Variants in ADGRB2 observed in about 807,000 individuals in gnomAD.
ADGRB2 encodes the protein adhesion G protein-coupled receptor B2.
A neutral mutation model predicts 178.7 loss-of-function variants in ADGRB2; 47 were observed. The observed-to-expected ratio is 0.26, with a 90% confidence interval of 0.21 to 0.34. The LOEUF (loss-of-function observed/expected upper bound fraction) is 0.34, where lower values mean the gene tolerates loss of function less well. Among genes scored for constraint, ADGRB2 ranks in the 10% least tolerant of loss-of-function variants. ADGRB2 has a pLI of 1.00. For missense variants in ADGRB2, 1,584 were observed against 2,180.8 expected (o/e 0.73, Z 5.45); for synonymous variants, 870 against 912.4 (o/e 0.95, Z 0.84).
Position 31,727,482 on chromosome 1 carries a change from G to A in ADGRB2, c.4696C>T (p.His1566Tyr), listed in dbSNP as rs1266939395. Residue 1566 changes from histidine (H) to tyrosine (Y), a missense_variant, in exon 33 of 33, where the codon CAC becomes TAC. Physicochemically the swap from His to Tyr is moderately conservative, Grantham distance 83. Coordinates refer to ENST00000373658, the MANE Select transcript of ADGRB2 (RefSeq NM_001364857.2). The surrounding 1 kb of genome is among the most constrained non-coding windows in gnomAD (Gnocchi z 4.4). ...GTGGGCTCCCAGGCTGCTGCCCGGT[G>A]CAGAGTCAGCCGTTCTCGGGGCTTG... ...PPKPRERLTL[H>Y]RAAAWEPTEP... 3.1e-6 allele frequency: 5 copies of A among 1,597,346 alleles called. No homozygotes were observed. The African/African-American group carries it at 4.1e-5, about 13-fold the overall frequency.
In ADGRB2 at chr1:31,736,705, C is replaced by A; in HGVS notation, c.2998G>T (p.Ala1000Ser). The A allele has an allele frequency of 6.2e-7, 1 of 1,613,822 alleles. No homozygotes were observed. Among genetic ancestry groups the A allele is most frequent in the Non-Finnish European group, 8.5e-7 (1 of 1,179,826 alleles). ...VLSKGVCTMT[A>S]AFLHFFFLSS... ...AGAAAGAAGAAGTGCAGGAAGGCAG[C>A]CGTCATGGTGCACACGCCCTGCAGG... Residue 1000 changes from alanine to serine, a missense_variant, in exon 21 of 33, where the codon GCT (alanine) becomes TCT (serine). Coordinates refer to ENST00000373658, the MANE Select transcript of ADGRB2 (RefSeq NM_001364857.2).
chr1:31,728,803 A>AACACACACACACACACAC lies in ADGRB2; in HGVS notation c.4381-188_4381-171dup, dbSNP rs71006321. On this transcript the variant is annotated intron_variant, in intron 29 of 32. Transcript: ENST00000373658. The surrounding 1 kb of genome is among the most constrained non-coding windows in gnomAD (Gnocchi z 6.7). Reference sequence around the variant, plus strand: ...TGGGGCAGCTTTTCAGGCCTCACTGAACACACACACACACACACACACACA... The same window carrying AACACACACACACACACAC: ...TGGGGCAGCTTTTCAGGCCTCACTGAACACACACACACACACACACACACACACACACACACACACACA... Among the ~76,000 whole-genome samples the AACACACACACACACACAC allele has an allele frequency of 9.7e-3, 1,123 of 115,476 alleles. 25 individuals are homozygous for AACACACACACACACACAC. The highest frequency in any genetic ancestry group is 0.019 in the South Asian group (47 of 2,524). The allele number at this position is 115,476 out of a possible 152,430, so 75.8% of individuals were successfully genotyped here. A position where few individuals can be genotyped will look rare whatever the true frequency, so the allele number is the denominator to read the frequency against.
At chr1:31,742,526 A>G (rs1646032570) in intron 7 of ADGRB2, among the ~76,000 whole-genome samples, 1 of 152,214 alleles carries the variant, frequency 6.6e-6, no homozygotes, top group Non-Finnish European at 1.5e-5. Context: ...CCAGCACTTC[A>G]GCCCAGCTTT....
Position 31,735,061 on chromosome 1 carries a change from G to T in ADGRB2, c.3452+122C>A. On this transcript the variant is annotated intron_variant, in intron 25 of 32. Coordinates refer to ENST00000373658, the MANE Select transcript of ADGRB2 (RefSeq NM_001364857.2). This position sits in a 1 kb window ranked among gnomAD's most constrained non-coding sequence, Gnocchi z 6.0. ...CTTGAGAGTGTGTGGTGGCTGGCAG[G>T]AAAGGGCAAGCTTTCCAGGGCACTG... 1 of 1,012,572 alleles carries T rather than the reference G, an allele frequency of 9.9e-7. No individual in the cohort carries two copies. The highest frequency in any genetic ancestry group is 1.3e-6 in the Non-Finnish European group (1 of 744,662). The allele number at this position is 1,012,572 out of a possible 1,614,324, so 62.7% of individuals were successfully genotyped here. A position where few individuals can be genotyped will look rare whatever the true frequency, so the allele number is the denominator to read the frequency against.
rs1645251766 is a variant in ADGRB2 at position 31,730,974 on chromosome 1, G to T, written c.4206C>A (p.Asp1402Glu). The T allele has an allele frequency of 6.4e-7, 1 of 1,565,468 alleles. No individual in the cohort carries two copies. ...TEGYPSFLSV[D>E]HSGLGLGPAY... ...CAGGGCCCAGCCCCAGGCCCGAGTG[G>T]TCCACGGACAGGAAGCTGGGGTAGC... is the stretch of plus-strand genomic sequence containing the variant. The change falls in exon 29 of 33, where the codon GAC becomes GAA. Residue 1402 changes from aspartate (D) to glutamate (E), a missense_variant. Physicochemically the swap from Asp to Glu is conservative, Grantham distance 45. Transcript: ENST00000373658.
In ADGRB2 at chr1:31,739,429, C is replaced by A; in HGVS notation, c.2374G>T (p.Val792Leu). 1 of 1,580,652 alleles carries A rather than the reference C, an allele frequency of 6.3e-7. No homozygotes were observed. Among genetic ancestry groups the A allele is most frequent in the Non-Finnish European group, 8.6e-7 (1 of 1,163,956 alleles). ...SPGRGRGPGT[V>L]PPGPGHSHQR... ...TGGGAGTGGCCTGGGCCAGGAGGCA[C>A]CGTTCCTGGGCCCCTCCCCCTGCCA... Residue 792 changes from valine to leucine, a missense_variant, in exon 15 of 33, where the codon GTG becomes TTG. Physicochemically the swap from Val to Leu is conservative, Grantham distance 32 (BLOSUM62 1). Coordinates refer to ENST00000373658, the MANE Select transcript of ADGRB2 (RefSeq NM_001364857.2).
chr1:31,750,422 G>A (rs1646506017), intron 4 of ADGRB2, among the ~76,000 whole-genome samples: 1 of 152,164 alleles, frequency 6.6e-6, no homozygotes, highest in South Asian at 2.1e-4. Flanking sequence ...GGTGCCAGCA[G>A]GCGGGGTGAG....
At position 31,728,847 on chromosome 1, in the gene ADGRB2, C is replaced by T. The variant is rs1011295536; in HGVS notation, c.4381-214G>A. On this transcript the variant is annotated intron_variant, in intron 29 of 32. Coordinates refer to ENST00000373658, the MANE Select transcript of ADGRB2 (RefSeq NM_001364857.2). The surrounding 1 kb of genome is among the most constrained non-coding windows in gnomAD (Gnocchi z 6.7). ...ACACACACACACACACACACACACACGTCAAATGGCATGGTGCGGACTTCC... is the reference window on the plus strand; with the variant it reads ...ACACACACACACACACACACACACATGTCAAATGGCATGGTGCGGACTTCC... Among the ~76,000 whole-genome samples the T allele has an allele frequency of 6.7e-6, 1 of 149,534 alleles. No homozygotes were observed. Among genetic ancestry groups the T allele is most frequent in the Non-Finnish European group, 1.5e-5 (1 of 67,614 alleles).
intron 4 of ADGRB2, among the ~76,000 whole-genome samples, chr1:31,749,741 G>A (rs147222204): frequency 3.3e-5 from 5 of 152,280 alleles, no homozygotes; most frequent in East Asian, 1.9e-4. Context: ...GTGAAACCCC[G>A]TCTCTACAAA....
intron 7 of ADGRB2, among the ~76,000 whole-genome samples, 188 bp downstream of exon 7, chr1:31,742,650 T>G (rs139841085): frequency 6.6e-6 from 1 of 152,240 alleles, no homozygotes; most frequent in African/African-American, 2.4e-5. Flanking sequence ...ATGTCAGGGC[T>G]AGGGGTCAAG....
rs1295116124 is a variant in ADGRB2 at position 31,744,131 on chromosome 1, C to T, written c.1087+62G>A. On this transcript the variant is annotated intron_variant, in intron 6 of 32. Coordinates refer to ENST00000373658, the MANE Select transcript of ADGRB2 (RefSeq NM_001364857.2). The surrounding 1 kb of genome is among the most constrained non-coding windows in gnomAD (Gnocchi z 6.7). ...ACCAACCATTTTGGAGATTAATCTG[C>T]CCAAGTCCCAGGCAGGACCTAACCC... The T allele has an allele frequency of 4.8e-6, 7 of 1,461,164 alleles. No individual in the cohort carries two copies. In the East Asian group the frequency reaches 1.8e-4, roughly 37 times the overall value. 90.5% of individuals were successfully genotyped at this position (1,461,164 alleles called of 1,614,324 possible). A position where few individuals can be genotyped will look rare whatever the true frequency, so the allele number is the denominator to read the frequency against.
intron 15 of ADGRB2, 31 bp downstream of exon 15, chr1:31,739,277 G>A: frequency 6.9e-7 from 1 of 1,443,308 alleles, no homozygotes; most frequent in Non-Finnish European, 9.1e-7. Context: ...TGGACCCTCA[G>A]CAGCCCCAGC....
Position 31,740,121 on chromosome 1 carries a change from C to T in ADGRB2, c.2047G>A (p.Asp683Asn), listed in dbSNP as rs1471496906. 1.2e-6 allele frequency: 2 copies of T among 1,614,128 alleles called. No homozygotes were observed. The highest frequency in any genetic ancestry group is 1.7e-6 in the Non-Finnish European group (2 of 1,180,016). Reference protein sequence around the residue: ...VDAENKEKWDDAQQVSPGSVH... With the variant: ...VDAENKEKWDNAQQVSPGSVH... ...GCTGTGCCCCGCACCTGCTGAGCATCGTCCCACTTCTCCTTGTTTTCCGCA... is the reference window on the plus strand; with the variant it reads ...GCTGTGCCCCGCACCTGCTGAGCATTGTCCCACTTCTCCTTGTTTTCCGCA... Residue 683 changes from aspartate (D) to asparagine (N), a missense_variant, in exon 13 of 33, where the codon GAT becomes AAT. Physicochemically the swap from Asp to Asn is conservative, Grantham distance 23 (BLOSUM62 1). Around this residue, in one of 3 missense-constraint regions of ADGRB2, gnomAD observed 62 missense variants for 140.3 expected, o/e 0.44. Transcript: ENST00000373658. The surrounding 1 kb of genome is among the most constrained non-coding windows in gnomAD (Gnocchi z 5.9).
chr1:31,748,118 T>C (rs1214223326), intron 4 of ADGRB2, among the ~76,000 whole-genome samples: 2 of 152,228 alleles, frequency 1.3e-5, no homozygotes, highest in African/African-American at 4.8e-5. Context: ...CTGTGGTCCC[T>C]GCTCCTCTTC....
intron 29 of ADGRB2, among the ~76,000 whole-genome samples, chr1:31,730,523 A>G (rs1323936139): frequency 6.6e-6 from 1 of 152,202 alleles, no homozygotes; most frequent in Non-Finnish European, 1.5e-5. Flanking sequence ...GTCTCCTGAA[A>G]TGAGGACTCA....
At position 31,737,501 on chromosome 1, in the gene ADGRB2, C is replaced by T; in HGVS notation, c.2907G>A (p.Leu969=). Residue 969 remains leucine (L), a synonymous_variant, in exon 20 of 33, where the codon TTG becomes TTA. Coordinates refer to ENST00000373658, the MANE Select transcript of ADGRB2 (RefSeq NM_001364857.2). ...RFIKSERSII[L]LNFCLSILAS... ...CCAAGATGGACAGGCAGAAGTTCAG[C>T]AAGATGATGGAGCGTTCAGATTTTA... 2 of 1,614,152 alleles carry T rather than the reference C, an allele frequency of 1.2e-6. No homozygotes were observed. Among genetic ancestry groups the T allele is most frequent in the Non-Finnish European group, 1.7e-6 (2 of 1,180,018 alleles).
chr1:31,739,642 T>C lies in ADGRB2; in HGVS notation c.2168-7A>G, dbSNP rs751396347. The C allele has an allele frequency of 6.4e-7, 1 of 1,570,086 alleles. No individual in the cohort carries two copies. Among genetic ancestry groups the C allele is most frequent in the Non-Finnish European group, 8.7e-7 (1 of 1,155,502 alleles). On this transcript the variant is annotated splice_region_variant and splice_polypyrimidine_tract_variant and intron_variant, in intron 14 of 32. Transcript: ENST00000373658. ...TCTCGCTGAATGCTGATCACTGCAG[T>C]GGGAGGAGGGTGGACAGAGACAGAC...
chr1:31,731,049 C>G lies in ADGRB2; in HGVS notation c.4131G>C (p.Arg1377=). The change falls in exon 29 of 33, where the codon CGG becomes CGC. Residue 1377 remains arginine, a synonymous_variant. Coordinates refer to ENST00000373658, the MANE Select transcript of ADGRB2 (RefSeq NM_001364857.2). ...CAGCTCGCCGGGGGGTCCCCTCCGG[C>G]CGGGCCCTGGGGGCATCCTCACCAC... The part of the protein sequence containing the change: ...GGGGEDAPRA[R]PEGTPRRAAK... 6.3e-7 allele frequency: 1 copy of G among 1,584,250 alleles called. No homozygotes were observed.
chr1:31,736,931 G>T (rs1328023513), intron 20 of ADGRB2, among the ~76,000 whole-genome samples: 1 of 152,144 alleles, frequency 6.6e-6, no homozygotes, highest in Non-Finnish European at 1.5e-5. Flanking sequence ...CGGCATCCAG[G>T]GAGGCGGGTG....
Sources: allele counts gnomAD v4.1 joint callset (sites outside exome capture counted in the v4.1 genomes callset), GRCh38; gene constraint gnomAD v4.1.1; regional missense constraint gnomAD v4.1.1; non-coding constraint Gnocchi (gnomAD v3.1); transcripts MANE v1.5; gene names NCBI Gene and HGNC (gene_info 2026-07-23, HGNC 2026-07-21).